Variants in MARK1 observed in about 807,000 individuals in gnomAD.
MARK1 encodes the protein microtubule affinity regulating kinase 1, also known as serine/threonine-protein kinase MARK1.
In MARK1, 40 loss-of-function variants were observed where a neutral mutation model predicts 96.3. The ratio of observed to expected loss-of-function variants is 0.42; its 90% CI spans 0.32 to 0.54. MARK1 has a LOEUF of 0.54. Ranked by LOEUF, MARK1 falls within the 20% of genes least tolerant of loss-of-function variation. The probability of loss-of-function intolerance (pLI) is 0.16; values close to 1 mark genes in which losing one functional copy is unlikely to be tolerated. For missense variants in MARK1, 719 were observed against 984.6 expected, an observed-to-expected ratio of 0.73 and a Z score of 3.61; for synonymous variants, 317 against 341.2, an observed-to-expected ratio of 0.93 and a Z score of 0.78.
chr1:220,661,296 ATG>A (rs1558332425), intron 17 of MARK1, among the ~76,000 whole-genome samples: 1 of 152,156 alleles, frequency 6.6e-6, no homozygotes, highest in South Asian at 2.1e-4. Context: ...GGACATTGAG[ATG>A]TGTGGTATAA....
Position 220,618,172 on chromosome 1 carries a change from T to TA in MARK1, c.553-137dup. 2.4e-5 allele frequency: 15 copies of TA among 627,358 alleles called. 1 individual carries two copies. In the South Asian group the frequency reaches 3.0e-4, roughly 13 times the overall value. The allele number at this position is 627,358 out of a possible 1,614,324, so 38.9% of individuals were successfully genotyped here. ...AGAACAGTTATGCATTGAAGTACCA[T>TA]ACTGGGCTTCTAAATTTGATACTAC... On this transcript the variant is annotated intron_variant, in intron 7 of 17. Coordinates refer to ENST00000366917, the MANE Select transcript of MARK1 (RefSeq NM_018650.5). The surrounding 1 kb of genome is among the most constrained non-coding windows in gnomAD (Gnocchi z 4.6).
intron 3 of MARK1, among the ~76,000 whole-genome samples, chr1:220,585,786 A>G (rs989918643): frequency 6.6e-6 from 1 of 152,178 alleles, no homozygotes; most frequent in Non-Finnish European, 1.5e-5. Flanking sequence ...ATGTCTTGAG[A>G]ATTACCTGAA....
intron 1 of MARK1, among the ~76,000 whole-genome samples, chr1:220,557,261 C>T (rs1022722189): frequency 1.3e-5 from 2 of 152,160 alleles, no homozygotes; most frequent in African/African-American, 4.8e-5. Context: ...ATCTTCTTAA[C>T]TAAATGATCC....
chr1:220,585,984 TAC>T (rs1553322886), intron 3 of MARK1, among the ~76,000 whole-genome samples: 66 of 52,892 alleles, frequency 1.2e-3, no homozygotes, highest in South Asian at 3.6e-3. Context: ...TACATACGTA[TAC>T]ACACACACAC....
chr1:220,538,671 A>G (rs1660898951), intron 1 of MARK1, among the ~76,000 whole-genome samples: 1 of 151,728 alleles, frequency 6.6e-6, no homozygotes, highest in African/African-American at 2.4e-5. Context: ...CAGTATGGCC[A>G]TTTTCACGAT....
chr1:220,638,280 AC>A (rs1668083691), intron 13 of MARK1, among the ~76,000 whole-genome samples: 1 of 152,150 alleles, frequency 6.6e-6, no homozygotes, highest in Non-Finnish European at 1.5e-5. Context: ...CCATGAACAT[AC>A]TCAGCTTTGT....
At chr1:220,533,262 T>C (rs1007391000) in intron 1 of MARK1, among the ~76,000 whole-genome samples, 2 of 152,326 alleles carry the variant, frequency 1.3e-5, no homozygotes, top group East Asian at 3.9e-4. Context: ...TGGATGTATA[T>C]AGTACACATC....
chr1:220,652,038 T>C lies in MARK1; in HGVS notation c.1624T>C (p.Ser542Pro). The C allele has an allele frequency of 1.9e-6, 3 of 1,613,254 alleles. No homozygotes were observed. The highest frequency in any genetic ancestry group is 1.7e-6 in the Non-Finnish European group (2 of 1,179,316). ...SISSAGSSVA[S>P]AVPSARPRHQ... Reference sequence around the variant, plus strand: ...ATCTTCTGCAGGCTCTTCTGTGGCCTCTGCTGTCCCCTCAGCACGACCCCG... The same window carrying C: ...ATCTTCTGCAGGCTCTTCTGTGGCCCCTGCTGTCCCCTCAGCACGACCCCG... The change falls in exon 15 of 18, where the codon TCT (serine) becomes CCT (proline). Residue 542 changes from serine to proline, a missense_variant. By Grantham distance (74) the Ser-to-Pro change is moderately conservative. This residue lies in a region of MARK1 where 501 missense variants were observed against 588.3 expected (regional missense o/e 0.85). Coordinates refer to ENST00000366917, the MANE Select transcript of MARK1 (RefSeq NM_018650.5).
chr1:220,539,774 GT>G (rs1048979982), intron 1 of MARK1, among the ~76,000 whole-genome samples: 130 of 146,386 alleles, frequency 8.9e-4, no homozygotes, highest in Middle Eastern at 3.6e-3. Context: ...GAATTGCTAG[GT>G]TTTTTTTTTT....
intron 3 of MARK1, among the ~76,000 whole-genome samples, chr1:220,583,133 G>A (rs1014186165): frequency 2.6e-5 from 4 of 152,196 alleles, no homozygotes; most frequent in Non-Finnish European, 5.9e-5. Flanking sequence ...GAAAAAGACA[G>A]TAAAATTTGC....
At chr1:220,596,927 G>A (rs769703642) in intron 3 of MARK1, among the ~76,000 whole-genome samples, 3 of 152,034 alleles carry the variant, frequency 2.0e-5, no homozygotes, top group South Asian at 2.1e-4. Flanking sequence ...TGAATTTGAC[G>A]ACTCCACTCT....
intron 4 of MARK1, 145 bp from the exon 5 acceptor site, chr1:220,599,653 A>G (rs1665608997): frequency 2.2e-6 from 1 of 446,614 alleles, no homozygotes; most frequent in Admixed American, 4.2e-5. Context: ...ATAATCTTTG[A>G]GAGACTTTTT....
Position 220,635,503 on chromosome 1 carries a change from A to G in MARK1, c.1250A>G (p.Gln417Arg). The change falls in exon 12 of 18, where the codon CAG (glutamine) becomes CGG (arginine). Residue 417 changes from glutamine to arginine, a missense_variant. By Grantham distance (43) the Gln-to-Arg change is conservative. Coordinates refer to ENST00000366917, the MANE Select transcript of MARK1 (RefSeq NM_018650.5). Reference protein sequence around the residue: ...LKVQRSISANQKQRRFSDHAG... With the variant: ...LKVQRSISANRKQRRFSDHAG... ...GTCCAGAGAAGTATCTCAGCAAATC[A>G]GAAGCAGCGGCGTTTCAGTGATCAT... 3 of 1,611,344 alleles carry G rather than the reference A, an allele frequency of 1.9e-6. No homozygotes were observed. The highest frequency in any genetic ancestry group is 2.5e-6 in the Non-Finnish European group (3 of 1,179,324).
At chr1:220,566,125 A>G (rs1173685889) in intron 1 of MARK1, among the ~76,000 whole-genome samples, 1 of 152,210 alleles carries the variant, frequency 6.6e-6, no homozygotes, top group African/African-American at 2.4e-5. Flanking sequence ...AGGATTAAAT[A>G]ATATAATGTC....
At chr1:220,632,375 A>G in intron 11 of MARK1, 62 bp downstream of exon 11, 2 of 699,442 alleles carry the variant, frequency 2.9e-6, no homozygotes, top group East Asian at 2.9e-5. Context: ...ATTAGTTAAT[A>G]TATTCTTTGT....
intron 1 of MARK1, among the ~76,000 whole-genome samples, chr1:220,556,662 G>T (rs1463262516): frequency 6.6e-6 from 1 of 152,028 alleles, no homozygotes; most frequent in Non-Finnish European, 1.5e-5. Context: ...TTTAAAGGCA[G>T]TAATAAATAC....
chr1:220,600,252 G>T (rs1306650551), intron 5 of MARK1, among the ~76,000 whole-genome samples: 1 of 152,126 alleles, frequency 6.6e-6, no homozygotes, highest in Non-Finnish European at 1.5e-5. Flanking sequence ...TTCTAGGTCA[G>T]TGTTTATTTC....
intron 1 of MARK1, among the ~76,000 whole-genome samples, chr1:220,547,296 T>G (rs1194490252): frequency 6.6e-6 from 1 of 152,190 alleles, no homozygotes; most frequent in Non-Finnish European, 1.5e-5. Flanking sequence ...TTTAAACCAG[T>G]GGAATTGGCT....
intron 9 of MARK1, among the ~76,000 whole-genome samples, chr1:220,630,659 A>G (rs1667634875): frequency 6.6e-6 from 1 of 152,216 alleles, no homozygotes; most frequent in Admixed American, 6.5e-5. Context: ...AATAAGGCAT[A>G]TATTTGGCAT....
Sources: gnomAD v4.1 joint callset for allele counts (sites outside exome capture counted in the v4.1 genomes callset) on GRCh38, gnomAD v4.1.1 for gene constraint, gnomAD v4.1.1 regional missense constraint, Gnocchi (gnomAD v3.1) non-coding constraint, MANE v1.5 for transcripts, NCBI Gene and HGNC (gene_info 2026-07-23, HGNC 2026-07-21) for gene names.